The following CBR1 variants were observed in gnomAD, a reference collection of about 807,000 sequenced individuals.
The protein encoded by CBR1 is carbonyl reductase 1, also known as carbonyl reductase [NADPH] 1.
CBR1 carries 11 observed loss-of-function variants against 10.6 expected under a neutral mutation model. The observed-to-expected ratio is 1.03, with a 90% CI of 0.65 to 1.71. The LOEUF (loss-of-function observed/expected upper bound fraction) is 1.71. Among genes scored for constraint, CBR1 ranks in the 40% most tolerant of loss-of-function variants. The pLI, the probability that CBR1 is intolerant of heterozygous loss-of-function variation, is 0.00. For synonymous variants in CBR1, 158 were observed against 156.7 expected, an observed-to-expected ratio of 1.01 and a Z score of -0.06; for missense variants, 361 against 368.6, an observed-to-expected ratio of 0.98 and a Z score of 0.17.
intron 1 of CBR1, 140 bp downstream of exon 1, chr21:36,070,544 G>C: frequency 1.2e-6 from 1 of 830,312 alleles, no homozygotes; most frequent in Non-Finnish European, 1.8e-6. Flanking sequence ...TGGAGAAAGT[G>C]AGAGTTTTCC....
intron 2 of CBR1, chr21:36,072,224 T>C (rs2123837239): frequency 1.9e-6 from 3 of 1,550,630 alleles, no homozygotes; most frequent in South Asian, 2.4e-5. Flanking sequence ...GGGCAGCTCT[T>C]CCAAATCTCA....
intron 2 of CBR1, 76 bp from the exon 3 acceptor site, chr21:36,072,370 C>A (rs766572624): frequency 5.0e-6 from 8 of 1,612,756 alleles, no homozygotes; most frequent in Non-Finnish European, 6.8e-6. Context: ...GCTCCAAAAT[C>A]CCTGCAAATT....
At chr21:36,072,036 G>T in intron 2 of CBR1, 1 of 1,502,180 alleles carries the variant, frequency 6.7e-7, no homozygotes, top group Non-Finnish European at 8.8e-7. Context: ...GACAGGAGAT[G>T]AACCCACCCA....
intron 1 of CBR1, among the ~76,000 whole-genome samples, chr21:36,070,729 C>T (rs1265802871): frequency 6.6e-6 from 1 of 151,882 alleles, no homozygotes; most frequent in Admixed American, 6.6e-5. Flanking sequence ...GTGTGTGCAC[C>T]CTTCATCCTC....
At chr21:36,071,558 T>C in intron 2 of CBR1, 1 of 566,804 alleles carries the variant, frequency 1.8e-6, no homozygotes, top group Non-Finnish European at 3.1e-6. Context: ...CAATCTAAGA[T>C]ATTTCCAGAG....
At chr21:36,072,421 C>T (rs1484196717) in intron 2 of CBR1, 25 bp from the exon 3 acceptor site, 1 of 1,613,974 alleles carries the variant, frequency 6.2e-7, no homozygotes, top group Non-Finnish European at 8.5e-7. Flanking sequence ...CACCTTTCTA[C>T]ATAATGCTTT....
At chr21:36,071,719 C>A in intron 2 of CBR1, 1 of 769,768 alleles carries the variant, frequency 1.3e-6, no homozygotes, top group Non-Finnish European at 2.1e-6. Flanking sequence ...CGTCTCATTG[C>A]AGCTCTACAG....
At chr21:36,072,041 C>T in intron 2 of CBR1, 1 of 1,498,572 alleles carries the variant, frequency 6.7e-7, no homozygotes, top group South Asian at 1.3e-5. Flanking sequence ...GAGATGAACC[C>T]ACCCATTAAA....
Position 36,072,974 on chromosome 21 carries a change from T to A in CBR1, c.*92T>A. The A allele has an allele frequency of 3.6e-6, 3 of 844,416 alleles. No individual in the cohort carries two copies. The highest frequency in any genetic ancestry group is 5.4e-6 in the Non-Finnish European group (3 of 555,598). 52.3% of individuals were successfully genotyped at this position (844,416 alleles called of 1,614,324 possible). A position where few individuals can be genotyped will look rare whatever the true frequency, so the allele number is the denominator to read the frequency against. Reference sequence around the variant, plus strand: ...TTACAATGTCATAAATATCCTTATATAAGAAAAAAAATGATCTCTTATCAA... The same window carrying A: ...TTACAATGTCATAAATATCCTTATAAAAGAAAAAAAATGATCTCTTATCAA... On this transcript the variant is annotated 3_prime_UTR_variant, in exon 3 of 3. Transcript: ENST00000290349.
In CBR1 at chr21:36,070,115, C is replaced by T. The variant is rs2065337273; in HGVS notation, c.-1C>T. On this transcript the variant is annotated 5_prime_UTR_variant, in exon 1 of 3. Transcript: ENST00000290349. ...AGGTGTTCCGCGCGCCCCGTTCAGC[C>T]ATGTCGTCCGGCATCCATGTAGCGC... is the stretch of plus-strand genomic sequence containing the variant. 6.6e-7 allele frequency: 1 copy of T among 1,509,672 alleles called. No homozygotes were observed. The highest frequency in any genetic ancestry group is 8.9e-7 in the Non-Finnish European group (1 of 1,127,918). 93.5% of individuals were successfully genotyped at this position (1,509,672 alleles called of 1,614,324 possible). A position where few individuals can be genotyped will look rare whatever the true frequency, so the allele number is the denominator to read the frequency against.
intron 2 of CBR1, chr21:36,071,394 C>T (rs953773304): frequency 1.7e-6 from 1 of 598,898 alleles, no homozygotes; most frequent in African/African-American, 1.9e-5. Flanking sequence ...TTTCTCTGCT[C>T]TTTCAGAGAG....
chr21:36,070,908 T>A, intron 1 of CBR1, 42 bp from the exon 2 acceptor site: 1 of 1,146,146 alleles, frequency 8.7e-7, no homozygotes, highest in Non-Finnish European at 1.3e-6. Flanking sequence ...TTTTACCCCA[T>A]GGGTACAATG....
chr21:36,073,010 C>G lies in CBR1; in HGVS notation c.*128C>G. On this transcript the variant is annotated 3_prime_UTR_variant, in exon 3 of 3. Coordinates refer to ENST00000290349, the MANE Select transcript of CBR1 (RefSeq NM_001757.4). ...ATGATCTCTTATCAATTAGCACTCA[C>G]TAATGTACTACTAATTGAGCAACCT... The G allele has an allele frequency of 8.2e-6, 5 of 609,036 alleles. No individual in the cohort carries two copies. The highest frequency in any genetic ancestry group is 2.5e-5 in the South Asian group (1 of 39,542). The allele number at this position is 609,036 out of a possible 1,614,324, so 37.7% of individuals were successfully genotyped here. A position where few individuals can be genotyped will look rare whatever the true frequency, so the allele number is the denominator to read the frequency against.
At chr21:36,071,170 C>A in intron 2 of CBR1, 113 bp downstream of exon 2, 1 of 787,298 alleles carries the variant, frequency 1.3e-6, no homozygotes, top group Non-Finnish European at 2.3e-6. Context: ...CGTGCACTGA[C>A]CTCTGTGCTT....
At chr21:36,072,325 C>T in intron 2 of CBR1, 121 bp from the exon 3 acceptor site, 1 of 1,585,234 alleles carries the variant, frequency 6.3e-7, no homozygotes, top group Non-Finnish European at 8.6e-7. Flanking sequence ...TCTTAGAACT[C>T]ATACCAGTAA....
At position 36,070,349 on chromosome 21, in the gene CBR1, C is replaced by G. The variant is rs751331798; in HGVS notation, c.234C>G (p.Arg78=). 1.2e-6 allele frequency: 2 copies of G among 1,613,084 alleles called. No homozygotes were observed. Among genetic ancestry groups the G allele is most frequent in the South Asian group, 1.1e-5 (1 of 91,052 alleles). Residue 78 remains arginine, a synonymous_variant, in exon 1 of 3, where the codon CGC becomes CGG. Coordinates refer to ENST00000290349, the MANE Select transcript of CBR1 (RefSeq NM_001757.4). ...TCCGCGCCCTGCGCGACTTCCTGCG[C>G]AAGGAGTACGGGGGCCTGGACGTGC... ...QSIRALRDFL[R]KEYGGLDVLV...
chr21:36,070,170 T>C lies in CBR1; in HGVS notation c.55T>C (p.Leu19=), dbSNP rs751812271. The C allele has an allele frequency of 6.3e-7, 1 of 1,592,548 alleles. No individual in the cohort carries two copies. The highest frequency in any genetic ancestry group is 2.3e-5 in the East Asian group (1 of 44,378). ...GACTGGAGGCAACAAGGGCATCGGC[T>C]TGGCCATCGTGCGCGACCTGTGCCG... ...LVTGGNKGIG[L]AIVRDLCRLF... Residue 19 remains leucine (L), a synonymous_variant, in exon 1 of 3, where the codon TTG becomes CTG. Transcript: ENST00000290349.
At chr21:36,070,888 T>A in intron 1 of CBR1, 62 bp from the exon 2 acceptor site, 2 of 925,342 alleles carry the variant, frequency 2.2e-6, no homozygotes, top group Non-Finnish European at 3.4e-6. Flanking sequence ...TTTAGTATCA[T>A]TGTATAGAAT....
chr21:36,072,319 A>G, intron 2 of CBR1, 127 bp from the exon 3 acceptor site: 2 of 1,578,350 alleles, frequency 1.3e-6, no homozygotes, highest in Non-Finnish European at 1.7e-6. Flanking sequence ...TATTCCTCTT[A>G]GAACTCATAC....
Sources: gnomAD v4.1 joint callset for allele counts (sites outside exome capture counted in the v4.1 genomes callset) on GRCh38, gnomAD v4.1.1 for gene constraint, MANE v1.5 for transcripts, NCBI Gene and HGNC (gene_info 2026-07-23, HGNC 2026-07-21) for gene names.